Variants in VIT observed in about 807,000 individuals in gnomAD.
VIT encodes the protein vitrin.
A neutral mutation model predicts 78.0 loss-of-function variants in VIT; 99 were observed. The observed-to-expected ratio is 1.27, with a 90% CI of 1.08 to 1.50. The LOEUF (loss-of-function observed/expected upper bound fraction) is 1.50, where lower values mean the gene tolerates loss of function less well. Among genes scored for constraint, VIT ranks in the 40% most tolerant of loss-of-function variants. The pLI is 0.00. For synonymous variants in VIT, 374 were observed against 334.3 expected (o/e 1.12, Z -1.29); for missense variants, 1,126 against 875.3 (o/e 1.29, Z -3.61).
At chr2:36,718,309 GT>G (rs1666291090) in intron 2 of VIT, among the ~76,000 whole-genome samples, 1 of 152,106 alleles carries the variant, frequency 6.6e-6, no homozygotes, top group African/African-American at 2.4e-5. Context: ...AGAGAAGAAG[GT>G]AATACAGCTG....
chr2:36,803,243 G>A (rs1666460075), intron 13 of VIT, among the ~76,000 whole-genome samples: 1 of 152,188 alleles, frequency 6.6e-6, no homozygotes, highest in Non-Finnish European at 1.5e-5. Context: ...TTTGTCAGCA[G>A]AAATATAAAC....
rs571465965 is a variant in VIT, at chr2:36,814,739, T to C, written c.*378T>C. The C allele has an allele frequency of 6.0e-6, 1 of 165,630 alleles. No homozygotes were observed. Among genetic ancestry groups the C allele is most frequent in the East Asian group, 1.7e-4 (1 of 5,876 alleles). 10.3% of individuals were successfully genotyped at this position (165,630 alleles called of 1,614,324 possible). A position where few individuals can be genotyped will look rare whatever the true frequency, so the allele number is the denominator to read the frequency against. On this transcript the variant is annotated 3_prime_UTR_variant, in exon 16 of 16. Transcript: ENST00000379242. ...TCTGTAACCCTCAGCAAGTTTCATT[T>C]TTGTCATGACAATGTAGGAATTGCT...
chr2:36,724,100 C>T (rs1057406982), intron 2 of VIT, among the ~76,000 whole-genome samples: 1 of 151,762 alleles, frequency 6.6e-6, no homozygotes, highest in Non-Finnish European at 1.5e-5. Flanking sequence ...CTCATTGCAA[C>T]CTCCACCTTC....
chr2:36,809,853 T>C (rs1248426243), intron 15 of VIT, among the ~76,000 whole-genome samples: 1 of 152,108 alleles, frequency 6.6e-6, no homozygotes, highest in Non-Finnish European at 1.5e-5. Flanking sequence ...AGACCAGGCA[T>C]GGTGGTGCAC....
At chr2:36,720,132 G>C (rs1666409559) in intron 2 of VIT, among the ~76,000 whole-genome samples, 1 of 151,670 alleles carries the variant, frequency 6.6e-6, no homozygotes, top group Non-Finnish European at 1.5e-5. Flanking sequence ...ACAGAAATTT[G>C]GAAAAAAAAT....
At chr2:36,781,603 C>T in intron 9 of VIT, 124 bp from the exon 10 acceptor site, 1 of 1,071,718 alleles carries the variant, frequency 9.3e-7, no homozygotes, top group South Asian at 1.5e-5. Flanking sequence ...AATTCTGGCC[C>T]TCTGTTCCTT....
rs1363569467 is a variant in VIT at position 36,728,681 on chromosome 2, C to T, written c.53-745C>T. Among the ~76,000 whole-genome samples the T allele has an allele frequency of 3.0e-5, 2 of 66,582 alleles. 1 individual carries two copies. The highest frequency in any genetic ancestry group is 2.7e-4 in the Admixed American group (2 of 7,368). The allele number at this position is 66,582 out of a possible 152,430, so 43.7% of individuals were successfully genotyped here. A position where few individuals can be genotyped will look rare whatever the true frequency, so the allele number is the denominator to read the frequency against. On this transcript the variant is annotated intron_variant, in intron 2 of 15. Coordinates refer to ENST00000379242, the MANE Select transcript of VIT (RefSeq NM_053276.4). The stretch of plus-strand genomic sequence containing the variant: ...ACAAAAAATTAGCCGGGCGTAGTGG[C>T]GGGCGCCTGTAGTCCCAGCTACTTG...
At chr2:36,757,227 T>C (rs1668819633) in intron 5 of VIT, among the ~76,000 whole-genome samples, 1 of 152,194 alleles carries the variant, frequency 6.6e-6, no homozygotes, top group Admixed American at 6.5e-5. Flanking sequence ...GCCACCATGA[T>C]CTTTCTCTAG....
intron 1 of VIT, among the ~76,000 whole-genome samples, chr2:36,699,784 G>A (rs1310484247): frequency 6.6e-6 from 1 of 152,140 alleles, no homozygotes; most frequent in East Asian, 1.9e-4. Context: ...CGGAAAGAAT[G>A]TCAAATGCCT....
At chr2:36,754,267 AG>A (rs1668636101) in intron 4 of VIT, among the ~76,000 whole-genome samples, 1 of 151,794 alleles carries the variant, frequency 6.6e-6, no homozygotes, top group South Asian at 2.1e-4. Flanking sequence ...GGATACCCAA[AG>A]GAGCCATGCA....
intron 6 of VIT, among the ~76,000 whole-genome samples, chr2:36,760,799 AGCAGCCCCCTGGG>A (rs2148566803): frequency 6.6e-6 from 1 of 152,314 alleles, no homozygotes; most frequent in Non-Finnish European, 1.5e-5. Context: ...GCCTGGTTCC[AGCAGCCCCCTGGG>A]GCAGCCCCTT....
At chr2:36,771,839 T>C (rs753365166) in intron 7 of VIT, among the ~76,000 whole-genome samples, 34 of 152,208 alleles carry the variant, frequency 2.2e-4, no homozygotes, top group South Asian at 4.1e-4. Context: ...TTGAGAAATA[T>C]GTGCGCTTAG....
chr2:36,708,717 T>C (rs1313663505), intron 1 of VIT, among the ~76,000 whole-genome samples: 11 of 152,178 alleles, frequency 7.2e-5, no homozygotes. Context: ...TTTTCCAACC[T>C]GCCAATTAAA....
intron 1 of VIT, among the ~76,000 whole-genome samples, chr2:36,707,639 C>CTG (rs1299042132): frequency 6.6e-6 from 1 of 152,144 alleles, no homozygotes; most frequent in Non-Finnish European, 1.5e-5. Context: ...CCGGGCTGCA[C>CTG]TGATTTCCTT....
chr2:36,810,250 C>T (rs1252647660), intron 15 of VIT, among the ~76,000 whole-genome samples: 1 of 152,178 alleles, frequency 6.6e-6, no homozygotes, highest in African/African-American at 2.4e-5. Context: ...CGAGATCGTG[C>T]CATTGCACTC....
At chr2:36,812,982 C>G (rs1383936820) in intron 15 of VIT, among the ~76,000 whole-genome samples, 1 of 147,706 alleles carries the variant, frequency 6.8e-6, no homozygotes, top group Non-Finnish European at 1.5e-5. Context: ...CTGTCTCAGC[C>G]TCCCGAGTAG....
chr2:36,791,517 G>A (rs1665501622), intron 12 of VIT, among the ~76,000 whole-genome samples: 1 of 152,188 alleles, frequency 6.6e-6, no homozygotes, highest in Non-Finnish European at 1.5e-5. Context: ...GAGATGGGGG[G>A]GTTCTCCCGG....
At chr2:36,711,175 T>C (rs551949147) in intron 1 of VIT, among the ~76,000 whole-genome samples, 2 of 152,316 alleles carry the variant, frequency 1.3e-5, no homozygotes, top group East Asian at 1.9e-4. Context: ...CACTTCCTGG[T>C]CACCAGTGCT....
intron 2 of VIT, 95 bp from the exon 3 acceptor site, chr2:36,729,331 A>G (rs897133498): frequency 6.5e-6 from 7 of 1,076,544 alleles, no homozygotes; most frequent in South Asian, 1.7e-5. Context: ...GCCATGGAGA[A>G]TACTTTGTGG....
Sources: gnomAD v4.1 joint callset for allele counts (sites outside exome capture counted in the v4.1 genomes callset) on GRCh38, gnomAD v4.1.1 for gene constraint, MANE v1.5 for transcripts, NCBI Gene and HGNC (gene_info 2026-07-23, HGNC 2026-07-21) for gene names.